The following BTF3 variants were observed in gnomAD, a reference collection of about 807,000 sequenced individuals.
The protein encoded by BTF3 is basic transcription factor 3, also known as transcription factor BTF3.
BTF3 carries 12 observed loss-of-function variants against 23.9 expected under a neutral mutation model. That is an observed-to-expected ratio of 0.50 (90% CI 0.32 to 0.81). The LOEUF is 0.81. Ranked by LOEUF, BTF3 falls within the 40% of genes least tolerant of loss-of-function variation. The pLI, the probability that BTF3 is intolerant of heterozygous loss-of-function variation, is 0.03. For synonymous variants in BTF3, 96 were observed against 94.8 expected, an observed-to-expected ratio of 1.01 and a Z score of -0.07; for missense variants, 215 against 255.9, an observed-to-expected ratio of 0.84 and a Z score of 1.09.
intron 2 of BTF3, among the ~76,000 whole-genome samples, chr5:73,501,974 C>A (rs1383201295): frequency 6.6e-6 from 1 of 151,980 alleles, no homozygotes; most frequent in Non-Finnish European, 1.5e-5. Context: ...TTGAGACCAG[C>A]CTGGCCAACA....
chr5:73,502,475 T>C lies in BTF3; in HGVS notation c.202-13T>C. 1 of 1,573,458 alleles carries C rather than the reference T, an allele frequency of 6.4e-7. No individual in the cohort carries two copies. The highest frequency in any genetic ancestry group is 1.4e-5 in the African/African-American group (1 of 72,522). On this transcript the variant is annotated splice_polypyrimidine_tract_variant and intron_variant, in intron 2 of 5. Coordinates refer to ENST00000380591, the MANE Select transcript of BTF3 (RefSeq NM_001037637.2). ...AAATGTGCTGTTTTCTTTCCTCTTC[T>C]CCCTGACTTTAGGGAACTGCTCGCA... is the stretch of plus-strand genomic sequence containing the variant.
chr5:73,504,447 G>A (rs368717420), intron 5 of BTF3, 44 bp downstream of exon 5: 24 of 1,526,586 alleles, frequency 1.6e-5, no homozygotes, highest in Non-Finnish European at 1.6e-5. Flanking sequence ...TCTTAGCAAG[G>A]GAGAATAAGA....
Position 73,500,201 on chromosome 5 carries a change from A to T in BTF3, c.201+999A>T, listed in dbSNP as rs559923376. Among the ~76,000 whole-genome samples, 5 of 152,248 alleles carry T rather than the reference A, an allele frequency of 3.3e-5. No individual in the cohort carries two copies. The South Asian group carries it at 1.0e-3, about 32-fold the overall frequency. On this transcript the variant is annotated intron_variant, in intron 2 of 5. Transcript: ENST00000380591. ...TTTGTTAACGTTAGCCATCTTCAGG[A>T]TCCACACCCACACATTTAACAACAT...
At chr5:73,502,699 G>T in intron 3 of BTF3, 98 bp downstream of exon 3, 1 of 890,392 alleles carries the variant, frequency 1.1e-6, no homozygotes, top group Non-Finnish European at 1.7e-6. Flanking sequence ...TTTAACTTAG[G>T]GACTTCAAAG....
chr5:73,498,506 C>T lies in BTF3; in HGVS notation c.-162C>T, dbSNP rs1417227148. 2 of 1,071,628 alleles carry T rather than the reference C, an allele frequency of 1.9e-6. No individual in the cohort carries two copies. The highest frequency in any genetic ancestry group is 1.2e-6 in the Non-Finnish European group (1 of 804,616). The allele number at this position is 1,071,628 out of a possible 1,614,324, so 66.4% of individuals were successfully genotyped here. ...TAATCTCAGGTGGTCCACCCGAGAC[C>T]CCTTGAGCACCAACCCTAGTCCCCC... On this transcript the variant is annotated 5_prime_UTR_variant, in exon 1 of 6. Coordinates refer to ENST00000380591, the MANE Select transcript of BTF3 (RefSeq NM_001037637.2).
At chr5:73,499,240 T>A (rs1476927898) in intron 2 of BTF3, 38 bp downstream of exon 2, 3 of 1,591,586 alleles carry the variant, frequency 1.9e-6, no homozygotes, top group South Asian at 2.2e-5. Flanking sequence ...GTTTTTTTTT[T>A]AAGGTTTAGG....
intron 2 of BTF3, 149 bp downstream of exon 2, chr5:73,499,351 G>A (rs2115439): frequency 0.13 from 104,617 of 832,198 alleles, 14,073 homozygotes; most frequent in East Asian, 0.53. Context: ...GAGGAGCGGG[G>A]GAGACGAGGG....
At chr5:73,499,078 A>G (rs1746369753) in intron 1 of BTF3, 56 bp from the exon 2 acceptor site, 9 of 1,522,354 alleles carry the variant, frequency 5.9e-6, no homozygotes, top group Non-Finnish European at 8.0e-6. Flanking sequence ...AATAACGAGC[A>G]TGGAATGCTA....
intron 5 of BTF3, chr5:73,504,657 A>G (rs369443632): frequency 3.5e-6 from 1 of 283,488 alleles, no homozygotes; most frequent in Non-Finnish European, 6.5e-6. Flanking sequence ...GTATATATAT[A>G]TAGTACCCTA....
Position 73,499,992 on chromosome 5 carries a change from T to C in BTF3, c.201+790T>C, listed in dbSNP as rs577157640. 3.3e-5 allele frequency among the ~76,000 whole-genome samples: 5 copies of C among 152,384 alleles called. No homozygotes were observed. The East Asian group carries it at 9.6e-4, about 29-fold the overall frequency. On this transcript the variant is annotated intron_variant, in intron 2 of 5. Transcript: ENST00000380591. ...AGAGCATGTCTTTACTTGGTAAAAC[T>C]TGTAAAGCTTCCATGGTACATGTTT...
chr5:73,499,637 CA>C (rs1424977322), intron 2 of BTF3: 1 of 268,998 alleles, frequency 3.7e-6, no homozygotes, highest in Admixed American at 4.9e-5. Context: ...TTGCATATTT[CA>C]AGGGTATTTG....
At chr5:73,498,884 T>G (rs1254487463) in intron 1 of BTF3, 85 bp downstream of exon 1, 2 of 1,465,776 alleles carry the variant, frequency 1.4e-6, no homozygotes, top group East Asian at 5.1e-5. Context: ...TGGGGGGTGC[T>G]GGCCAGGCGT....
Position 73,502,541 on chromosome 5 carries a change from C to T in BTF3, c.255C>T (p.Asp85=). ...TTCATAGAACAGCCACAGCAGATGA[C>T]AAAAAACTTCAGTTCTCCTTAAAGA... ...KVVHRTATAD[D]KKLQFSLKKL... Residue 85 remains aspartate (D), a synonymous_variant, in exon 3 of 6, where the codon GAC becomes GAT. Coordinates refer to ENST00000380591, the MANE Select transcript of BTF3 (RefSeq NM_001037637.2). 1 of 1,609,534 alleles carries T rather than the reference C, an allele frequency of 6.2e-7. No individual in the cohort carries two copies. The highest frequency in any genetic ancestry group is 2.2e-5 in the East Asian group (1 of 44,746).
At chr5:73,499,450 CAA>C in intron 2 of BTF3, 1 of 567,322 alleles carries the variant, frequency 1.8e-6, no homozygotes, top group South Asian at 1.8e-5. Context: ...AAGTAGAACA[CAA>C]AAGTGTTTCC....
chr5:73,500,089 T>C (rs1054492662), intron 2 of BTF3, among the ~76,000 whole-genome samples: 5 of 152,228 alleles, frequency 3.3e-5, no homozygotes, highest in Non-Finnish European at 1.5e-5. Flanking sequence ...GAAGTTGCAC[T>C]TAGACTTAAA....
intron 2 of BTF3, 120 bp from the exon 3 acceptor site, chr5:73,502,368 T>C (rs1477517760): frequency 1.5e-6 from 1 of 657,476 alleles, no homozygotes; most frequent in Non-Finnish European, 2.4e-6. Flanking sequence ...AAGTTTATGA[T>C]TATGGTAATG....
intron 2 of BTF3, among the ~76,000 whole-genome samples, chr5:73,499,887 C>T (rs1455385865): frequency 6.6e-6 from 1 of 151,660 alleles, no homozygotes; most frequent in African/African-American, 2.4e-5. Flanking sequence ...AATAAGAAGT[C>T]CACTGTAGAC....
chr5:73,498,665 G>C lies in BTF3; in HGVS notation c.-3G>C. 1 of 1,501,656 alleles carries C rather than the reference G, an allele frequency of 6.7e-7. No individual in the cohort carries two copies. The highest frequency in any genetic ancestry group is 8.8e-7 in the Non-Finnish European group (1 of 1,134,358). The allele number at this position is 1,501,656 out of a possible 1,614,324, so 93.0% of individuals were successfully genotyped here. On this transcript the variant is annotated 5_prime_UTR_variant, in exon 1 of 6. Transcript: ENST00000380591. ...GGACAGGGCAGAGGAGGAGAGGAAG[G>C]CGATGCGACGGACAGGCGCACCCGC...
chr5:73,499,051 C>T (rs1746368612), intron 1 of BTF3, 83 bp from the exon 2 acceptor site: 4 of 1,420,082 alleles, frequency 2.8e-6, no homozygotes, highest in African/African-American at 2.9e-5. Flanking sequence ...GTTTATTTTC[C>T]TGCTGGTATC....
Sources: allele counts gnomAD v4.1 joint callset (sites outside exome capture counted in the v4.1 genomes callset), GRCh38; gene constraint gnomAD v4.1.1; transcripts MANE v1.5; gene names NCBI Gene and HGNC (gene_info 2026-07-23, HGNC 2026-07-21).